CSTPP1: variants seen among roughly 807,000 people sequenced by gnomAD.
CSTPP1 encodes the protein UPF0705 protein C11orf49.
the CSTPP1 span, among the ~76,000 whole-genome samples, chr11:47,079,295 A>C: frequency 6.6e-6 from 1 of 152,230 alleles, no homozygotes; most frequent in Admixed American, 6.5e-5. Flanking sequence ...GATTCAGATA[A>C]AAGAAGAGCA....
the CSTPP1 span, among the ~76,000 whole-genome samples, chr11:47,126,660 G>T: frequency 6.7e-6 from 1 of 148,894 alleles, no homozygotes; most frequent in Non-Finnish European, 1.5e-5. Flanking sequence ...TGGCCAGCAC[G>T]GTGGCTTATG....
chr11:47,108,454 A>G, the CSTPP1 span, among the ~76,000 whole-genome samples: 1 of 152,226 alleles, frequency 6.6e-6, no homozygotes, highest in Non-Finnish European at 1.5e-5. Flanking sequence ...ATCCAGTTCC[A>G]GATCCCAAAA....
the CSTPP1 span, among the ~76,000 whole-genome samples, chr11:47,117,851 C>A: frequency 1.3e-4 from 19 of 150,584 alleles, no homozygotes; most frequent in East Asian, 3.1e-3. Context: ...TTTTCTCTAA[C>A]CTTGTCTTCT....
the CSTPP1 span, among the ~76,000 whole-genome samples, chr11:47,152,863 C>G: frequency 6.6e-6 from 1 of 152,136 alleles, no homozygotes; most frequent in African/African-American, 2.4e-5. Flanking sequence ...ATTCACAGCC[C>G]AGTGCTGTTC....
At chr11:46,937,460 A>G in the CSTPP1 span, among the ~76,000 whole-genome samples, 1 of 152,230 alleles carries the variant, frequency 6.6e-6, no homozygotes, top group African/African-American at 2.4e-5. Flanking sequence ...AAGACTGTAT[A>G]TGTAGTACTT....
chr11:47,043,813 G>A, the CSTPP1 span, among the ~76,000 whole-genome samples: 2 of 152,028 alleles, frequency 1.3e-5, no homozygotes, highest in East Asian at 1.9e-4. Context: ...GCAACATGGC[G>A]AAACCCTGTC....
the CSTPP1 span, among the ~76,000 whole-genome samples, chr11:47,122,117 T>TA: frequency 1.6e-5 from 2 of 125,436 alleles, no homozygotes; most frequent in African/African-American, 3.1e-5. Flanking sequence ...TATATATATA[T>TA]ATTAGAAAAA....
At chr11:47,146,563 T>A in the CSTPP1 span, among the ~76,000 whole-genome samples, 1 of 152,142 alleles carries the variant, frequency 6.6e-6, no homozygotes, top group Non-Finnish European at 1.5e-5. Flanking sequence ...TTCATACCTA[T>A]CAAATTGGCA....
chr11:47,156,279 T>C, the CSTPP1 span, among the ~76,000 whole-genome samples: 1 of 152,268 alleles, frequency 6.6e-6, no homozygotes, highest in African/African-American at 2.4e-5. Context: ...AGAACATTTT[T>C]CCCTCACTGT....
At chr11:47,100,782 C>T in the CSTPP1 span, among the ~76,000 whole-genome samples, 1 of 151,980 alleles carries the variant, frequency 6.6e-6, no homozygotes, top group Non-Finnish European at 1.5e-5. Context: ...AGAGGGAGAC[C>T]CTGTCTCAAA....
the CSTPP1 span, among the ~76,000 whole-genome samples, chr11:47,121,841 T>A: frequency 6.6e-6 from 1 of 151,512 alleles, no homozygotes; most frequent in East Asian, 1.9e-4. Flanking sequence ...TCCCAACACT[T>A]TGGGAGGATT....
the CSTPP1 span, chr11:47,154,992 G>C: frequency 1.6e-6 from 1 of 622,532 alleles, no homozygotes; most frequent in East Asian, 2.7e-5. Flanking sequence ...GAGGTGACTG[G>C]GAGGAGCTTG....
At chr11:47,111,994 T>A in the CSTPP1 span, among the ~76,000 whole-genome samples, 1 of 152,212 alleles carries the variant, frequency 6.6e-6, no homozygotes, top group Admixed American at 6.5e-5. Context: ...TTCCCTCTTA[T>A]TCTTTTGGCT....
the CSTPP1 span, among the ~76,000 whole-genome samples, chr11:47,071,333 G>A: frequency 1.3e-5 from 2 of 152,068 alleles, no homozygotes; most frequent in Non-Finnish European, 1.5e-5. Flanking sequence ...TTTTTTATTG[G>A]ATATGGCTGT....
the CSTPP1 span, among the ~76,000 whole-genome samples, chr11:47,158,716 G>C: frequency 6.6e-6 from 1 of 151,998 alleles, no homozygotes; most frequent in Non-Finnish European, 1.5e-5. Flanking sequence ...TGTGTTTTTT[G>C]TACAGACTGG....
chr11:47,147,337 CAAT>C, the CSTPP1 span, among the ~76,000 whole-genome samples: 1 of 152,078 alleles, frequency 6.6e-6, no homozygotes, highest in Non-Finnish European at 1.5e-5. Context: ...AGGCTCTCAC[CAAT>C]GATGGCCTGG....
At chr11:47,077,487 A>G in the CSTPP1 span, among the ~76,000 whole-genome samples, 1 of 152,206 alleles carries the variant, frequency 6.6e-6, no homozygotes, top group African/African-American at 2.4e-5. Flanking sequence ...GGTGTGAGCC[A>G]CTACACCCAG....
At chr11:46,957,262 T>A in the CSTPP1 span, among the ~76,000 whole-genome samples, 2 of 152,198 alleles carry the variant, frequency 1.3e-5, no homozygotes, top group African/African-American at 4.8e-5. Flanking sequence ...CATCCTTACA[T>A]GGATATTACT....
chr11:47,068,392 C>G, the CSTPP1 span, among the ~76,000 whole-genome samples: 16 of 151,920 alleles, frequency 1.1e-4, no homozygotes, highest in African/African-American at 3.9e-4. Flanking sequence ...ATTAGTGAAG[C>G]ACGGTGGCGC....
Sources: gnomAD v4.1 joint callset for allele counts (sites outside exome capture counted in the v4.1 genomes callset) on GRCh38, gnomAD v4.1.1 for gene constraint, MANE v1.5 for transcripts, NCBI Gene and HGNC (gene_info 2026-07-23, HGNC 2026-07-21) for gene names.